Variants in KIF20A observed in about 807,000 individuals in gnomAD.
KIF20A encodes the protein kinesin-like protein KIF20A.
Under a neutral mutation model 113.0 loss-of-function variants are expected in KIF20A, and 66 were observed. The ratio of observed to expected loss-of-function variants is 0.58; its 90% CI spans 0.48 to 0.72. The LOEUF is 0.72. Among genes scored for constraint, KIF20A ranks in the 30% least tolerant of loss-of-function variants. The probability of loss-of-function intolerance (pLI) is 0.00; values close to 1 mark genes in which losing one functional copy is unlikely to be tolerated. For missense variants in KIF20A, 927 were observed against 1,077.6 expected, an observed-to-expected ratio of 0.86 and a Z score of 1.96; for synonymous variants, 376 against 402.3, an observed-to-expected ratio of 0.93 and a Z score of 0.78.
Position 138,186,289 on chromosome 5 carries a change from T to C in KIF20A, c.2218-5T>C. The C allele has an allele frequency of 6.3e-7, 1 of 1,586,914 alleles. No individual in the cohort carries two copies. ...ACAATATGATTCCTACTTCCCCTTT[T>C]TCAGAATATAAGGCTGTTGCGGACA... On this transcript the variant is annotated splice_polypyrimidine_tract_variant and splice_region_variant and intron_variant, in intron 17 of 18. Coordinates refer to ENST00000394894, the MANE Select transcript of KIF20A (RefSeq NM_005733.3).
chr5:138,179,946 T>A (rs1466974262), intron 2 of KIF20A, 101 bp downstream of exon 2: 62 of 1,214,958 alleles, frequency 5.1e-5, no homozygotes, highest in Non-Finnish European at 4.4e-6. Context: ...ATCCTAAAGG[T>A]CTGAGATCAA....
Position 138,182,791 on chromosome 5 carries a change from ATGGCAG to A in KIF20A, c.702+22_702+27del. The A allele has an allele frequency of 6.2e-7, 1 of 1,613,678 alleles. No homozygotes were observed. Among genetic ancestry groups the A allele is most frequent in the East Asian group, 2.2e-5 (1 of 44,878 alleles). On this transcript the variant is annotated intron_variant, in intron 6 of 18. Coordinates refer to ENST00000394894, the MANE Select transcript of KIF20A (RefSeq NM_005733.3). ...TCCAAGAGGTAAAGCATTGGTATCC[ATGGCAG>A]TGGGGGTAGGGGGTACAAATCTCGG...
At chr5:138,186,232 C>T (rs2151234249) in intron 17 of KIF20A, 62 bp from the exon 18 acceptor site, 1 of 1,559,622 alleles carries the variant, frequency 6.4e-7, no homozygotes, top group South Asian at 1.2e-5. Flanking sequence ...CTACCTGACC[C>T]CTCCAGATCA....
Position 138,187,119 on chromosome 5 carries a change from G to T in KIF20A, c.2379G>T (p.Gln793His). 6.2e-7 allele frequency: 1 copy of T among 1,611,090 alleles called. No individual in the cohort carries two copies. Among genetic ancestry groups the T allele is most frequent in the Non-Finnish European group, 8.5e-7 (1 of 1,177,562 alleles). ...IKQDQTLAEL[Q>H]NNMVLVKLDL... ...AGGACCAGACTCTGGCTGAACTGCA[G>T]AACAACATGGTGCTAGTGAAACTGG... is the stretch of plus-strand genomic sequence containing the variant. Residue 793 changes from glutamine (Q) to histidine (H), a missense_variant, in exon 19 of 19, where the codon CAG becomes CAT. Physicochemically the swap from Gln to His is conservative, Grantham distance 24. Transcript: ENST00000394894.
At position 138,187,669 on chromosome 5, in the gene KIF20A, T is replaced by C. The variant is rs1469520001; in HGVS notation, c.*256T>C. Reference sequence around the variant, plus strand: ...AAGATATTATTGTTCACATTTTTTATTGAATTCCAAATGTAGCAAAATCAT... The same window carrying C: ...AAGATATTATTGTTCACATTTTTTACTGAATTCCAAATGTAGCAAAATCAT... On this transcript the variant is annotated 3_prime_UTR_variant, in exon 19 of 19. Coordinates refer to ENST00000394894, the MANE Select transcript of KIF20A (RefSeq NM_005733.3). 3.4e-5 allele frequency: 11 copies of C among 323,716 alleles called. No homozygotes were observed. The highest frequency in any genetic ancestry group is 6.3e-5 in the Non-Finnish European group (11 of 175,024). 20.1% of individuals were successfully genotyped at this position (323,716 alleles called of 1,614,324 possible). A position where few individuals can be genotyped will look rare whatever the true frequency, so the allele number is the denominator to read the frequency against.
chr5:138,181,397 G>C (rs943318032), intron 2 of KIF20A, 25 bp from the exon 3 acceptor site: 6 of 1,603,822 alleles, frequency 3.7e-6, no homozygotes, highest in Non-Finnish European at 5.1e-6. Context: ...TTAATCTGTG[G>C]TTCTGGGCTG....
Position 138,187,591 on chromosome 5 carries a change from G to GTT in KIF20A, c.*186_*187dup. On this transcript the variant is annotated 3_prime_UTR_variant, in exon 19 of 19. Coordinates refer to ENST00000394894, the MANE Select transcript of KIF20A (RefSeq NM_005733.3). ...ACCACCTATGTAATCTCATGTTGTT[G>GTT]TTTTTTTTTATTTACTTATATGATT... 3 of 480,036 alleles carry GTT rather than the reference G, an allele frequency of 6.2e-6. No individual in the cohort carries two copies. Among genetic ancestry groups the GTT allele is most frequent in the South Asian group, 4.1e-5 (1 of 24,168 alleles). 29.7% of individuals were successfully genotyped at this position (480,036 alleles called of 1,614,324 possible).
chr5:138,181,177 C>A (rs1379099689), intron 2 of KIF20A, among the ~76,000 whole-genome samples: 1 of 152,202 alleles, frequency 6.6e-6, no homozygotes, highest in Non-Finnish European at 1.5e-5. Flanking sequence ...TCAATAAATT[C>A]GAACTCAGAT....
At chr5:138,185,736 A>C (rs371166681) in intron 16 of KIF20A, 26 bp downstream of exon 16, 4 of 1,610,772 alleles carry the variant, frequency 2.5e-6, no homozygotes, top group Non-Finnish European at 3.4e-6. Flanking sequence ...GGCAGGAAAC[A>C]TAACAGTGGT....
chr5:138,179,488 T>C, intron 1 of KIF20A, 172 bp from the exon 2 acceptor site: 1 of 581,754 alleles, frequency 1.7e-6, no homozygotes, highest in South Asian at 2.1e-5. Context: ...TTCTCTCAAT[T>C]GTTCATTAAG....
Position 138,181,647 on chromosome 5 carries a change from A to G in KIF20A, c.294A>G (p.Leu98=), listed in dbSNP as rs1476369722. The G allele has an allele frequency of 1.2e-6, 2 of 1,614,206 alleles. No homozygotes were observed. Among genetic ancestry groups the G allele is most frequent in the Non-Finnish European group, 1.7e-6 (2 of 1,180,020 alleles). Residue 98 remains leucine, a synonymous_variant, in exon 4 of 19, where the codon CTA becomes CTG. Transcript: ENST00000394894. ...TTGAGAATGTGGAGACCCTTGTTCT[A>G]CAAGCACCCAAGGACTCTTTTGCCC... is the stretch of plus-strand genomic sequence containing the variant. ...VRIENVETLV[L]QAPKDSFALK...
rs761935094 is a variant in KIF20A at position 138,187,162 on chromosome 5, G to A, written c.2422G>A (p.Ala808Thr). 3 of 1,613,926 alleles carry A rather than the reference G, an allele frequency of 1.9e-6. No individual in the cohort carries two copies. The highest frequency in any genetic ancestry group is 3.3e-5 in the Admixed American group (2 of 59,992). ...LVKLDLRKKA[A>T]CIAEQYHTVL... ...GAAACTGGACCTTCGGAAGAAGGCA[G>A]CATGTATTGCTGAGCAGTATCATAC... Residue 808 changes from alanine to threonine, a missense_variant, in exon 19 of 19, where the codon GCA (alanine) becomes ACA (threonine). Ala to Thr is a moderately conservative substitution (Grantham distance 58, BLOSUM62 0). Transcript: ENST00000394894.
intron 2 of KIF20A, among the ~76,000 whole-genome samples, chr5:138,180,662 G>T (rs966429040): frequency 7.2e-5 from 11 of 151,824 alleles, no homozygotes; most frequent in South Asian, 4.2e-4. Context: ...AAATATCTGG[G>T]TTTTTTTTGT....
In KIF20A at chr5:138,183,489, G is replaced by A. The variant is rs1221313602; in HGVS notation, c.1047G>A (p.Val349=). 1.9e-6 allele frequency: 3 copies of A among 1,614,006 alleles called. No individual in the cohort carries two copies. The African/African-American group carries it at 4.0e-5, about 22-fold the overall frequency. The change falls in exon 9 of 19, where the codon GTG becomes GTA. Residue 349 remains valine (V), a synonymous_variant. Transcript: ENST00000394894. The surrounding 1 kb of genome is among the most constrained non-coding windows in gnomAD (Gnocchi z 5.2). ...CCCCAGATCTCAACTGGATTCATGT[G>A]CAAGATGCTGAGGAGGCCTGGAAGC... ...PYVKDLNWIH[V]QDAEEAWKLL...
In KIF20A at chr5:138,184,558, C is replaced by T. The variant is rs778034218; in HGVS notation, c.1565C>T (p.Ser522Leu). The T allele has an allele frequency of 1.7e-5, 27 of 1,613,982 alleles. No individual in the cohort carries two copies. Among genetic ancestry groups the T allele is most frequent in the Non-Finnish European group, 1.9e-5 (23 of 1,180,018 alleles). The change falls in exon 13 of 19, where the codon TCG (serine) becomes TTG (leucine). Residue 522 changes from serine to leucine, a missense_variant. Ser to Leu is a moderately radical substitution (Grantham distance 145). Transcript: ENST00000394894. ...PMQLGFPSLH[S>L]FIKEHSLQVS... The stretch of plus-strand genomic sequence containing the variant: ...CAACTGGGATTCCCATCCCTGCACT[C>T]GTTCATCAAGGAACATAGTCTTCAG...
intron 17 of KIF20A, 34 bp from the exon 18 acceptor site, chr5:138,186,259 TG>T: frequency 6.3e-7 from 1 of 1,575,866 alleles, no homozygotes; most frequent in East Asian, 2.2e-5. Flanking sequence ...TGGTTGCTCT[TG>T]GCCACAATAT....
Position 138,181,840 on chromosome 5 carries a change from C to T in KIF20A, c.375+112C>T, listed in dbSNP as rs1754667070. 57 of 1,275,636 alleles carry T rather than the reference C, an allele frequency of 4.5e-5. No homozygotes were observed. In the South Asian group the frequency reaches 7.7e-4, roughly 17 times the overall value. The allele number at this position is 1,275,636 out of a possible 1,614,324, so 79.0% of individuals were successfully genotyped here. On this transcript the variant is annotated intron_variant, in intron 4 of 18. Coordinates refer to ENST00000394894, the MANE Select transcript of KIF20A (RefSeq NM_005733.3). Reference sequence around the variant, plus strand: ...CTGTGAGTTCCTTGTATATGCACACCTACAATTTTGAGGGCCCTAGTTATG... The same window carrying T: ...CTGTGAGTTCCTTGTATATGCACACTTACAATTTTGAGGGCCCTAGTTATG...
chr5:138,186,417 A>C lies in KIF20A; in HGVS notation c.2341A>C (p.Ile781Leu). The part of the protein sequence containing the change: ...LRQALTTCDD[I>L]LIKQDQTLAE... ...TCAAGCCTTGACCACTTGTGATGAC[A>C]TCTTAATCAAACAGGTTAGGGCAAA... Residue 781 changes from isoleucine to leucine, a missense_variant, in exon 18 of 19, where the codon ATC (isoleucine) becomes CTC (leucine). Physicochemically the swap from Ile to Leu is conservative, Grantham distance 5. Coordinates refer to ENST00000394894, the MANE Select transcript of KIF20A (RefSeq NM_005733.3). 6.2e-7 allele frequency: 1 copy of C among 1,613,120 alleles called. No homozygotes were observed. Among genetic ancestry groups the C allele is most frequent in the African/African-American group, 1.3e-5 (1 of 74,958 alleles).
chr5:138,186,116 CTATCACTGG>C, intron 17 of KIF20A, 64 bp downstream of exon 17: 1 of 1,516,598 alleles, frequency 6.6e-7, no homozygotes, highest in Non-Finnish European at 9.1e-7. Flanking sequence ...ATCCAACACT[CTATCACTGG>C]TTCATGTGAA....
Sources: allele counts gnomAD v4.1 joint callset (sites outside exome capture counted in the v4.1 genomes callset), GRCh38; gene constraint gnomAD v4.1.1; non-coding constraint Gnocchi (gnomAD v3.1); transcripts MANE v1.5; gene names NCBI Gene and HGNC (gene_info 2026-07-23, HGNC 2026-07-21).